The following TRPM5 variants were observed in gnomAD, a reference collection of about 807,000 sequenced individuals.
TRPM5 encodes transient receptor potential cation channel subfamily M member 5.
Under a neutral mutation model 124.9 loss-of-function variants are expected in TRPM5, and 121 were observed. The observed-to-expected ratio is 0.97, with a 90% confidence interval of 0.84 to 1.13. The LOEUF (loss-of-function observed/expected upper bound fraction) is 1.13, where lower values mean the gene tolerates loss of function less well. TRPM5 is among the 50% of genes most tolerant of loss of function. The pLI, the probability that TRPM5 is intolerant of heterozygous loss-of-function variation, is 0.00. For synonymous variants in TRPM5, 781 were observed against 700.5 expected (o/e 1.11, Z -1.81); for missense variants, 1,643 against 1,589.1 (o/e 1.03, Z -0.58).
At chr11:2,410,719 G>C (rs1202475949) in intron 18 of TRPM5, 1 of 455,292 alleles carries the variant, frequency 2.2e-6, no homozygotes, top group Admixed American at 2.4e-5. Flanking sequence ...ACCAGCCCCA[G>C]CCAGCTACAG....
upstream of TRPM5, among the ~76,000 whole-genome samples, chr11:2,426,670 G>A (rs973796996): frequency 2.0e-5 from 3 of 152,166 alleles, no homozygotes; most frequent in African/African-American, 7.2e-5. Flanking sequence ...AGGCCCTGGG[G>A]TCCCAGCCCC....
chr11:2,423,201 G>A (rs1403201256), upstream of TRPM5, among the ~76,000 whole-genome samples: 2 of 152,136 alleles, frequency 1.3e-5, no homozygotes, highest in Admixed American at 6.5e-5. Flanking sequence ...CTCTGCCCCA[G>A]GGACCTTCTC....
At chr11:2,419,126 G>C (rs1845730421) in intron 4 of TRPM5, among the ~76,000 whole-genome samples, 2 of 152,166 alleles carry the variant, frequency 1.3e-5, no homozygotes, top group Non-Finnish European at 2.9e-5. Context: ...AGGTGCCTTA[G>C]AATCACCCAC....
upstream of TRPM5, among the ~76,000 whole-genome samples, chr11:2,423,990 G>T (rs1423689436): frequency 6.6e-6 from 1 of 152,168 alleles, no homozygotes; most frequent in African/African-American, 2.4e-5. Context: ...GCAGGCCGAG[G>T]GCACCTGCTC....
upstream of TRPM5, among the ~76,000 whole-genome samples, chr11:2,424,383 A>C (rs1845817762): frequency 6.6e-6 from 1 of 152,250 alleles, no homozygotes; most frequent in Non-Finnish European, 1.5e-5. Flanking sequence ...CTCTGGAGCC[A>C]GCACAGTTAC....
At chr11:2,404,025 GAA>G (rs1850261813), downstream of TRPM5, 1 of 174,306 alleles carries the variant, frequency 5.7e-6, no homozygotes, top group East Asian at 1.7e-4. Context: ...GTGAGAATTG[GAA>G]ACCCCAGGCC....
the TRPM5 span, among the ~76,000 whole-genome samples, chr11:2,440,873 C>T: frequency 6.6e-6 from 1 of 152,186 alleles, no homozygotes; most frequent in Non-Finnish European, 1.5e-5. The surrounding 1 kb of genome is among the most constrained non-coding windows in gnomAD (Gnocchi z 5.2). Flanking sequence ...GCTGATCTCA[C>T]AGCAGCCACA....
intron 18 of TRPM5, among the ~76,000 whole-genome samples, chr11:2,410,186 T>C (rs972592199): frequency 6.6e-6 from 1 of 152,134 alleles, no homozygotes; most frequent in Non-Finnish European, 1.5e-5. Context: ...CAGGAGGGGC[T>C]GCGGGGGCTG....
At chr11:2,405,695 C>T in intron 22 of TRPM5, 102 bp from the exon 28 acceptor site, 7 of 1,260,468 alleles carry the variant, frequency 5.6e-6, no homozygotes, top group Middle Eastern at 1.9e-4. Context: ...CCCCCGCTGC[C>T]CTGTGACTCC....
chr11:2,417,706 G>GCC, intron 7 of TRPM5, 21 bp downstream of exon 12: 2 of 1,087,302 alleles, frequency 1.8e-6, no homozygotes, highest in Admixed American at 2.0e-5. Context: ...CGCCTGCCTT[G>GCC]CCCACCCTGC....
the TRPM5 span, among the ~76,000 whole-genome samples, chr11:2,440,078 A>G: frequency 5.3e-5 from 8 of 152,322 alleles, 1 homozygote; most frequent in East Asian, 1.5e-3. The surrounding 1 kb of genome is among the most constrained non-coding windows in gnomAD (Gnocchi z 5.2). Context: ...TAACTGAGGA[A>G]CGGAAAACCA....
chr11:2,418,092 G>T (rs1162749214), intron 6 of TRPM5, 75 bp downstream of exon 11: 1 of 1,369,336 alleles, frequency 7.3e-7, no homozygotes, highest in Non-Finnish European at 9.9e-7. Context: ...AGGCTGCATT[G>T]CAGGAACTCT....
At chr11:2,411,039 T>C (rs980838140) in intron 18 of TRPM5, among the ~76,000 whole-genome samples, 3 of 152,026 alleles carry the variant, frequency 2.0e-5, no homozygotes. Context: ...AGAGCAAGAC[T>C]TGCTGCTTGG....
Position 2,413,242 on chromosome 11 carries a change from A to T in TRPM5, c.2004-16T>A, listed in dbSNP as rs1034588323. 1 of 1,528,478 alleles carries T rather than the reference A, an allele frequency of 6.5e-7. No homozygotes were observed. The highest frequency in any genetic ancestry group is 8.8e-7 in the Non-Finnish European group (1 of 1,138,636). 94.7% of individuals were successfully genotyped at this position (1,528,478 alleles called of 1,614,324 possible). A position where few individuals can be genotyped will look rare whatever the true frequency, so the allele number is the denominator to read the frequency against. On this transcript the variant is annotated splice_polypyrimidine_tract_variant and intron_variant, in intron 13 of 23. Transcript: ENST00000155858. ...AGCTTCCTCACTGCGAGCACAGGAG[A>T]GCTCAGGGCCCGCAGGAAGGGCTCC...
chr11:2,414,009 G>GGGGGGGCCCCCC (rs1850511546), intron 12 of TRPM5, 52 bp downstream of exon 17: 28 of 1,023,684 alleles, frequency 2.7e-5, no homozygotes, highest in Non-Finnish European at 3.4e-5. Flanking sequence ...GGCCCAGCTC[G>GGGGGGGCCCCCC]CCCGCCCACC....
chr11:2,406,408 G>A (rs1565005504), intron 21 of TRPM5, among the ~76,000 whole-genome samples: 1 of 152,066 alleles, frequency 6.6e-6, no homozygotes. Context: ...GGGGTGGGTA[G>A]TCCCAACCCT....
chr11:2,414,452 G>A (rs1031292451), intron 11 of TRPM5, among the ~76,000 whole-genome samples: 9 of 152,180 alleles, frequency 5.9e-5, no homozygotes, highest in South Asian at 2.1e-4. Context: ...AATGTCCCTC[G>A]TCCTGCGGCA....
At chr11:2,406,914 T>G in intron 20 of TRPM5, 121 bp from the exon 26 acceptor site, 3 of 1,442,376 alleles carry the variant, frequency 2.1e-6, no homozygotes, top group Non-Finnish European at 2.8e-6. Flanking sequence ...CAGCCAGGGA[T>G]GGAGGGCAAG....
intron 11 of TRPM5, among the ~76,000 whole-genome samples, 189 bp from the exon 17 acceptor site, chr11:2,414,395 G>A (rs1050816303): frequency 2.0e-5 from 3 of 152,186 alleles, no homozygotes; most frequent in Admixed American, 6.5e-5. Flanking sequence ...GTCCTTCTCC[G>A]GCTCTGTCCC....
Sources: gnomAD v4.1 joint callset for allele counts (sites outside exome capture counted in the v4.1 genomes callset) on GRCh38, gnomAD v4.1.1 for gene constraint, Gnocchi (gnomAD v3.1) non-coding constraint, MANE v1.5 for transcripts, NCBI Gene and HGNC (gene_info 2026-07-23, HGNC 2026-07-21) for gene names.